CKAP2L: variants seen among roughly 807,000 people sequenced by gnomAD.
CKAP2L encodes the protein cytoskeleton associated protein 2L, also known as cytoskeleton-associated protein 2-like.
A neutral mutation model predicts 65.7 loss-of-function variants in CKAP2L; 42 were observed. That is an observed-to-expected ratio of 0.64 (90% CI 0.50 to 0.83). The LOEUF is 0.83. Among genes scored for constraint, CKAP2L ranks in the 40% least tolerant of loss-of-function variants. CKAP2L has a pLI of 0.00. For synonymous variants in CKAP2L, 325 were observed against 313.5 expected (o/e 1.04, Z -0.39); for missense variants, 908 against 871.0 (o/e 1.04, Z -0.53).
chr2:112,742,552 A>G, intron 7 of CKAP2L, 154 bp downstream of exon 7: 2 of 708,528 alleles, frequency 2.8e-6, no homozygotes, highest in Non-Finnish European at 5.3e-6. Flanking sequence ...CAAATAAGTC[A>G]GCTGATGACA....
intron 1 of CKAP2L, 29 bp downstream of exon 1, chr2:112,764,533 A>C (rs1680841428): frequency 6.2e-7 from 1 of 1,613,566 alleles, no homozygotes. Context: ...CCAACGCCTG[A>C]GAATAACGGG....
chr2:112,743,888 T>C (rs755397812), intron 6 of CKAP2L, among the ~76,000 whole-genome samples: 3 of 152,256 alleles, frequency 2.0e-5, no homozygotes, highest in Non-Finnish European at 4.4e-5. Flanking sequence ...TTTTCAAGTA[T>C]GTAAACCATG....
At position 112,756,610 on chromosome 2, in the gene CKAP2L, A is replaced by C; in HGVS notation, c.761T>G (p.Phe254Cys). Residue 254 changes from phenylalanine to cysteine, a missense_variant, in exon 4 of 9, where the codon TTC becomes TGC. By Grantham distance (205) the Phe-to-Cys change is radical. Transcript: ENST00000302450. ...AGAGAGTTGCTGTGATTTTACTGGG[A>C]AAGTCCTGCTTTGTGTTTCTCCAAC... ...QFVGETQSRT[F>C]PVKSQQLSRG... The C allele has an allele frequency of 6.2e-7, 1 of 1,613,064 alleles. No individual in the cohort carries two copies. The highest frequency in any genetic ancestry group is 8.5e-7 in the Non-Finnish European group (1 of 1,179,700).
rs556863573 is a variant in CKAP2L, at chr2:112,757,198, T to A, written c.173A>T (p.Asn58Ile). ...PPSKSTIRPK[N>I]DVTNHVVLPV... The stretch of plus-strand genomic sequence containing the variant: ...CAAAACAACATGGTTGGTAACATCA[T>A]TTTTGGGTCTAATAGTCTGAAAAAA... The change falls in exon 4 of 9, where the codon AAT becomes ATT. Residue 58 changes from asparagine (N) to isoleucine (I), a missense_variant. Coordinates refer to ENST00000302450, the MANE Select transcript of CKAP2L (RefSeq NM_152515.5). 6.2e-7 allele frequency: 1 copy of A among 1,605,014 alleles called. No individual in the cohort carries two copies. Among genetic ancestry groups the A allele is most frequent in the South Asian group, 1.1e-5 (1 of 89,772 alleles).
chr2:112,746,598 G>C, intron 5 of CKAP2L, 23 bp from the exon 6 acceptor site: 1 of 1,555,710 alleles, frequency 6.4e-7, no homozygotes, highest in Non-Finnish European at 8.8e-7. Context: ...AAAATATCCA[G>C]AGGTAATTAT....
intron 5 of CKAP2L, among the ~76,000 whole-genome samples, chr2:112,747,655 C>A (rs1021037292): frequency 6.6e-6 from 1 of 152,178 alleles, no homozygotes; most frequent in Non-Finnish European, 1.5e-5. Context: ...CACTACCATG[C>A]CCAGAAATCC....
Position 112,738,798 on chromosome 2 carries a change from C to A in CKAP2L, c.*25G>T. The stretch of plus-strand genomic sequence containing the variant: ...TTGTCTTATGTTGGTTCTGAAACAC[C>A]TTTTTTAAAAAAAGCATCAAGAAAT... On this transcript the variant is annotated 3_prime_UTR_variant, in exon 9 of 9. Transcript: ENST00000302450. The A allele has an allele frequency of 3.3e-6, 5 of 1,506,392 alleles. No homozygotes were observed. Among genetic ancestry groups the A allele is most frequent in the Non-Finnish European group, 4.6e-6 (5 of 1,083,436 alleles). 93.3% of individuals were successfully genotyped at this position (1,506,392 alleles called of 1,614,324 possible). A position where few individuals can be genotyped will look rare whatever the true frequency, so the allele number is the denominator to read the frequency against.
In CKAP2L at chr2:112,737,947, G is replaced by A. The variant is rs1404625388; in HGVS notation, c.*876C>T. 6.6e-6 allele frequency: 1 copy of A among 151,500 alleles called. No individual in the cohort carries two copies. 9.4% of individuals were successfully genotyped at this position (151,500 alleles called of 1,614,324 possible). A position where few individuals can be genotyped will look rare whatever the true frequency, so the allele number is the denominator to read the frequency against. Reference sequence around the variant, plus strand: ...GCTAAAATTTAAAATGTGTTGACTAGGTTTTTCTACACAATTATATTTACA... The same window carrying A: ...GCTAAAATTTAAAATGTGTTGACTAAGTTTTTCTACACAATTATATTTACA... On this transcript the variant is annotated 3_prime_UTR_variant, in exon 9 of 9. Transcript: ENST00000302450.
At position 112,738,974 on chromosome 2, in the gene CKAP2L, G is replaced by A; in HGVS notation, c.2087C>T (p.Ala696Val). 1 of 1,614,192 alleles carries A rather than the reference G, an allele frequency of 6.2e-7. No homozygotes were observed. The highest frequency in any genetic ancestry group is 1.1e-5 in the South Asian group (1 of 91,082). ...CAGCATTTCTGGGTAGCGGGACACT[G>A]CTCGCTCAATCCTCGACGAACGCCG... ...PVRRSSRIER[A>V]VSRYPEMLQE... is the part of the protein sequence containing the mutation. The change falls in exon 9 of 9, where the codon GCA becomes GTA. Residue 696 changes from alanine to valine, a missense_variant. Ala to Val is a moderately conservative substitution (Grantham distance 64). Coordinates refer to ENST00000302450, the MANE Select transcript of CKAP2L (RefSeq NM_152515.5).
rs1259387301 is a variant in CKAP2L, at chr2:112,745,924, G to C, written c.1758+496C>G. ...ATCAAGAAACAGAAACACGTTTTCT[G>C]AAACTATAGAGGTTAATATAAAAAT... On this transcript the variant is annotated intron_variant, in intron 6 of 8. Coordinates refer to ENST00000302450, the MANE Select transcript of CKAP2L (RefSeq NM_152515.5). Among the ~76,000 whole-genome samples, 3 of 152,200 alleles carry C rather than the reference G, an allele frequency of 2.0e-5. No homozygotes were observed. In the East Asian group the frequency reaches 5.8e-4, roughly 29 times the overall value.
chr2:112,743,842 T>C (rs754308709), intron 6 of CKAP2L, among the ~76,000 whole-genome samples: 26 of 152,212 alleles, frequency 1.7e-4, no homozygotes, highest in Non-Finnish European at 3.4e-4. Context: ...CATGGAAAAG[T>C]AATTTTCTGA....
chr2:112,743,468 GTC>G (rs1680094879), intron 6 of CKAP2L, among the ~76,000 whole-genome samples: 1 of 151,046 alleles, frequency 6.6e-6, no homozygotes, highest in Admixed American at 6.6e-5. Flanking sequence ...TTGAGATGGA[GTC>G]TCTGTCACCC....
At chr2:112,743,635 G>A (rs897293150) in intron 6 of CKAP2L, among the ~76,000 whole-genome samples, 12 of 151,662 alleles carry the variant, frequency 7.9e-5, no homozygotes, top group Non-Finnish European at 1.6e-4. Context: ...ACGGGGTTTC[G>A]CTACGTTGGC....
chr2:112,750,236 G>A (rs1680325138), intron 5 of CKAP2L, among the ~76,000 whole-genome samples: 1 of 152,134 alleles, frequency 6.6e-6, no homozygotes, highest in South Asian at 2.1e-4. Flanking sequence ...TCAGGTTCCT[G>A]TGTGCTGTCA....
rs201537641 is a variant in CKAP2L, at chr2:112,756,036, G to A, written c.1335C>T (p.Thr445=). ...TTGGGTTTGTTTGGGTCCCATTTAC[G>A]GTTGTGACATCAGCTTGAGTTTTGG... The part of the protein sequence containing the change: ...TAPKTQADVT[T]VNGTQTNPNI... Residue 445 remains threonine, a synonymous_variant, in exon 4 of 9, where the codon ACC becomes ACT. Coordinates refer to ENST00000302450, the MANE Select transcript of CKAP2L (RefSeq NM_152515.5). 3.8e-5 allele frequency: 62 copies of A among 1,612,072 alleles called. No homozygotes were observed. The highest frequency in any genetic ancestry group is 6.7e-5 in the African/African-American group (5 of 74,774).
At chr2:112,763,245 T>A (rs1388011224) in intron 1 of CKAP2L, among the ~76,000 whole-genome samples, 2 of 152,180 alleles carry the variant, frequency 1.3e-5, no homozygotes, top group Admixed American at 1.3e-4. Context: ...TCACAGCCAC[T>A]GTTCTCAGCT....
chr2:112,750,343 G>A (rs1308604210), intron 5 of CKAP2L, among the ~76,000 whole-genome samples: 3 of 151,458 alleles, frequency 2.0e-5, no homozygotes, highest in African/African-American at 2.5e-5. Flanking sequence ...GTGCTCCCTC[G>A]TATGTGCCCA....
chr2:112,745,613 C>T (rs576231759), intron 6 of CKAP2L, among the ~76,000 whole-genome samples: 5 of 152,240 alleles, frequency 3.3e-5, no homozygotes, highest in African/African-American at 9.6e-5. Flanking sequence ...GATCTCCTGA[C>T]CTTGTGATCC....
rs376614442 is a variant in CKAP2L, at chr2:112,757,038, G to C, written c.333C>G (p.Asn111Lys). 3.1e-6 allele frequency: 5 copies of C among 1,614,170 alleles called. No individual in the cohort carries two copies. The highest frequency in any genetic ancestry group is 4.2e-6 in the Non-Finnish European group (5 of 1,180,022). Residue 111 changes from asparagine to lysine, a missense_variant, in exon 4 of 9, where the codon AAC (asparagine) becomes AAG (lysine). Transcript: ENST00000302450. ...TCTTGCTAGAAGGCTTAGAGTATGG[G>C]TTAGAAGAAACACATTCTGAAGTCA... ...KRLTSECVSS[N>K]PYSKPSSKSF...
Sources: allele counts gnomAD v4.1 joint callset (sites outside exome capture counted in the v4.1 genomes callset), GRCh38; gene constraint gnomAD v4.1.1; transcripts MANE v1.5; gene names NCBI Gene and HGNC (gene_info 2026-07-23, HGNC 2026-07-21).